Variants in RAB8B observed in about 807,000 individuals in gnomAD.
RAB8B encodes the protein RAB8B, member RAS oncogene family, also known as ras-related protein Rab-8B.
RAB8B carries 11 observed loss-of-function variants against 32.0 expected under a neutral mutation model. The observed-to-expected ratio is 0.34, with a 90% CI of 0.22 to 0.57. RAB8B has a LOEUF of 0.57. RAB8B is among the 20% of genes least tolerant of loss of function. The pLI is 0.86. For missense variants in RAB8B, 190 were observed against 258.5 expected (o/e 0.73, Z 1.82); for synonymous variants, 103 against 89.6 (o/e 1.15, Z -0.85).
At chr15:63,190,403 A>G (rs2037546044) in intron 1 of RAB8B, among the ~76,000 whole-genome samples, 1 of 152,120 alleles carries the variant, frequency 6.6e-6, no homozygotes, top group South Asian at 2.1e-4. Context: ...GAATGAGGAT[A>G]CTTGATGGAG....
intron 1 of RAB8B, among the ~76,000 whole-genome samples, chr15:63,222,240 C>T (rs2037850536): frequency 6.6e-6 from 1 of 152,184 alleles, no homozygotes; most frequent in Admixed American, 6.5e-5. Context: ...GTCTTCAGTT[C>T]CTATAACACC....
chr15:63,207,739 G>A (rs987388125), intron 1 of RAB8B, among the ~76,000 whole-genome samples: 4 of 151,696 alleles, frequency 2.6e-5, no homozygotes, highest in African/African-American at 9.7e-5. Flanking sequence ...TTCTTTTTTG[G>A]TATTTTAGTA....
chr15:63,240,764 C>T (rs2038025340), intron 1 of RAB8B, among the ~76,000 whole-genome samples: 2 of 134,360 alleles, frequency 1.5e-5, no homozygotes, highest in Non-Finnish European at 3.1e-5. Flanking sequence ...GTGTCACCAT[C>T]TTGTAGAACT....
At chr15:63,200,432 A>G (rs1476473334) in intron 1 of RAB8B, among the ~76,000 whole-genome samples, 25 of 152,246 alleles carry the variant, frequency 1.6e-4, no homozygotes, top group Non-Finnish European at 8.8e-5. Flanking sequence ...TGAAAATTGT[A>G]AAAGTATTTC....
rs2038258402 is a variant in RAB8B, at chr15:63,267,516, C to G, written c.*3897C>G. ...TAAACTGTTTGATGAAAATCATGCC[C>G]CTAATGGAAACTCTCTAGTTTTTCC... On this transcript the variant is annotated 3_prime_UTR_variant, in exon 8 of 8. Transcript: ENST00000321437. 1 of 152,142 alleles carries G rather than the reference C, an allele frequency of 6.6e-6. No homozygotes were observed. The highest frequency in any genetic ancestry group is 2.4e-5 in the African/African-American group (1 of 41,400). 9.4% of individuals were successfully genotyped at this position (152,142 alleles called of 1,614,324 possible).
At chr15:63,189,997 G>C (rs1363174226) in intron 1 of RAB8B, among the ~76,000 whole-genome samples, 3 of 151,234 alleles carry the variant, frequency 2.0e-5, no homozygotes, top group Non-Finnish European at 4.4e-5. Flanking sequence ...GGGGAACAGA[G>C]GAACAAGGAC....
chr15:63,243,309 G>A (rs1455541676), intron 1 of RAB8B, among the ~76,000 whole-genome samples: 1 of 152,212 alleles, frequency 6.6e-6, no homozygotes, highest in East Asian at 1.9e-4. Context: ...GAGAAACCCT[G>A]CTGGACAGAA....
At chr15:63,256,408 C>G in intron 4 of RAB8B, 97 bp from the exon 5 acceptor site, 1 of 841,040 alleles carries the variant, frequency 1.2e-6, no homozygotes, top group Non-Finnish European at 1.9e-6. Flanking sequence ...AAGATTATGT[C>G]TTATTAAATT....
Position 63,241,580 on chromosome 15 carries a change from C to T in RAB8B, c.125-3176C>T, listed in dbSNP as rs560608913. Among the ~76,000 whole-genome samples, 7 of 152,338 alleles carry T rather than the reference C, an allele frequency of 4.6e-5. No individual in the cohort carries two copies. The South Asian group carries it at 1.5e-3, about 32-fold the overall frequency. Reference sequence around the variant, plus strand: ...CGTAGAACTATTTCATCTTGCAAATCTGACACTCCATACCTATTAAACAAC... The same window carrying T: ...CGTAGAACTATTTCATCTTGCAAATTTGACACTCCATACCTATTAAACAAC... On this transcript the variant is annotated intron_variant, in intron 1 of 7. Transcript: ENST00000321437.
chr15:63,210,047 C>G (rs1401164292), intron 1 of RAB8B, among the ~76,000 whole-genome samples: 2 of 152,126 alleles, frequency 1.3e-5, no homozygotes, highest in African/African-American at 4.8e-5. Context: ...GACCATTTAT[C>G]TTTTAAAGAT....
chr15:63,256,633 C>A, intron 5 of RAB8B, 39 bp downstream of exon 5: 2 of 1,353,816 alleles, frequency 1.5e-6, no homozygotes, highest in Admixed American at 2.3e-5. Context: ...GGAATCTACT[C>A]ACATTAAGCA....
chr15:63,216,003 A>G (rs1411236877), intron 1 of RAB8B, among the ~76,000 whole-genome samples: 1 of 151,886 alleles, frequency 6.6e-6, no homozygotes, highest in Non-Finnish European at 1.5e-5. Flanking sequence ...GTGTCACTGC[A>G]CTCCAGTCTG....
chr15:63,205,842 C>T (rs971419914), intron 1 of RAB8B, among the ~76,000 whole-genome samples: 1 of 152,188 alleles, frequency 6.6e-6, no homozygotes, highest in Non-Finnish European at 1.5e-5. Context: ...AAGAGTTTTA[C>T]TTTCTAATAA....
rs144931099 is a variant in RAB8B, at chr15:63,219,254, C to T, written c.125-25502C>T. ...CAGAGATTGTAGTGAGCTGAGATCA[C>T]GCCACTGCACTCCAGCCTGGCAAAG... On this transcript the variant is annotated intron_variant, in intron 1 of 7. Coordinates refer to ENST00000321437, the MANE Select transcript of RAB8B (RefSeq NM_016530.3). Among the ~76,000 whole-genome samples, 1,056 of 148,166 alleles carry T rather than the reference C, an allele frequency of 7.1e-3. 12 individuals carry two copies. Among genetic ancestry groups the T allele is most frequent in the African/African-American group, 0.024 (972 of 40,022 alleles).
chr15:63,229,975 G>C (rs914864539), intron 1 of RAB8B, among the ~76,000 whole-genome samples: 4 of 151,954 alleles, frequency 2.6e-5, no homozygotes, highest in Non-Finnish European at 4.4e-5. Context: ...ATAGAGGATT[G>C]TGCTTACAAA....
intron 6 of RAB8B, among the ~76,000 whole-genome samples, chr15:63,262,350 ATGTT>A (rs1348791748): frequency 6.6e-6 from 1 of 152,206 alleles, no homozygotes; most frequent in Non-Finnish European, 1.5e-5. Context: ...ACATTGGAAA[ATGTT>A]TATGATACAA....
chr15:63,192,842 C>T (rs1045583434), intron 1 of RAB8B, among the ~76,000 whole-genome samples: 2 of 152,118 alleles, frequency 1.3e-5, no homozygotes, highest in African/African-American at 2.4e-5. Context: ...GCTTGTAACC[C>T]CAGCACTTTG....
chr15:63,258,541 A>G (rs1036460180), intron 5 of RAB8B, among the ~76,000 whole-genome samples: 4 of 152,220 alleles, frequency 2.6e-5, no homozygotes, highest in African/African-American at 4.8e-5. Context: ...TTTTGAGCAA[A>G]GAATTGGACA....
intron 1 of RAB8B, among the ~76,000 whole-genome samples, chr15:63,204,065 G>A (rs931146393): frequency 3.3e-5 from 5 of 152,126 alleles, no homozygotes; most frequent in African/African-American, 1.2e-4. Context: ...CACGCAGTCA[G>A]GCTCAGTATA....
Sources: gnomAD v4.1 joint callset for allele counts (sites outside exome capture counted in the v4.1 genomes callset) on GRCh38, gnomAD v4.1.1 for gene constraint, MANE v1.5 for transcripts, NCBI Gene and HGNC (gene_info 2026-07-23, HGNC 2026-07-21) for gene names.